The following TAFA1 variants were observed in gnomAD, a reference collection of about 807,000 sequenced individuals.
TAFA1 encodes chemokine-like protein TAFA-1.
Under a neutral mutation model 18.5 loss-of-function variants are expected in TAFA1, and 4 were observed. The ratio of observed to expected loss-of-function variants is 0.22; its 90% CI spans 0.11 to 0.49. The LOEUF (loss-of-function observed/expected upper bound fraction) is 0.49. Ranked by LOEUF, TAFA1 falls within the 20% of genes least tolerant of loss-of-function variation. TAFA1 has a pLI of 0.98. For missense variants in TAFA1, 147 were observed against 169.0 expected, an observed-to-expected ratio of 0.87 and a Z score of 0.72; for synonymous variants, 56 against 55.2, an observed-to-expected ratio of 1.01 and a Z score of -0.06.
Position 68,443,669 on chromosome 3 carries a change from A to G in TAFA1, c.259+26249A>G, listed in dbSNP as rs368477441. Among the ~76,000 whole-genome samples the G allele has an allele frequency of 2.8e-4, 43 of 152,148 alleles. 1 individual carries two copies. In the South Asian group the frequency reaches 8.5e-3, roughly 30 times the overall value. On this transcript the variant is annotated intron_variant, in intron 3 of 4. Transcript: ENST00000478136. ...CCTGAGGCTCATTCACTATCACAAGAACAGTGCAGGAAAGACCCGACCCCA... is the reference window on the plus strand; with the variant it reads ...CCTGAGGCTCATTCACTATCACAAGGACAGTGCAGGAAAGACCCGACCCCA...
chr3:68,047,321 A>G (rs187482823), intron 2 of TAFA1, among the ~76,000 whole-genome samples: 2 of 152,318 alleles, frequency 1.3e-5, no homozygotes, highest in East Asian at 1.9e-4. Flanking sequence ...TAATTCTGGA[A>G]CAACCTTCCA....
chr3:68,514,441 CT>C (rs2072892423), intron 3 of TAFA1, among the ~76,000 whole-genome samples: 1 of 152,054 alleles, frequency 6.6e-6, no homozygotes, highest in South Asian at 2.1e-4. Context: ...TAACCATTTA[CT>C]TCTCATTTTA....
intron 2 of TAFA1, among the ~76,000 whole-genome samples, chr3:68,224,355 G>C (rs2066770207): frequency 6.6e-6 from 1 of 152,126 alleles, no homozygotes; most frequent in Non-Finnish European, 1.5e-5. Flanking sequence ...ACACTGATCT[G>C]TCCACTCTGT....
intron 2 of TAFA1, among the ~76,000 whole-genome samples, chr3:68,397,327 A>G (rs2070400926): frequency 6.6e-6 from 1 of 152,054 alleles, no homozygotes; most frequent in African/African-American, 2.4e-5. Flanking sequence ...CTACCCGCCA[A>G]CAGGCCCCGG....
intron 3 of TAFA1, among the ~76,000 whole-genome samples, chr3:68,443,485 A>C (rs201082824): frequency 0.12 from 18,444 of 151,180 alleles, 1,621 homozygotes; most frequent in East Asian, 0.34. Flanking sequence ...AAAAAAAAAA[A>C]AAAAAAAAAA....
chr3:68,093,907 A>G (rs542777247), intron 2 of TAFA1, among the ~76,000 whole-genome samples: 1 of 152,066 alleles, frequency 6.6e-6, no homozygotes, highest in African/African-American at 2.4e-5. Flanking sequence ...AACCTCATAG[A>G]TCTAGTCACC....
chr3:68,151,620 G>T (rs941083414), intron 2 of TAFA1, among the ~76,000 whole-genome samples: 1 of 152,110 alleles, frequency 6.6e-6, no homozygotes, highest in African/African-American at 2.4e-5. Context: ...CCAAACTCAC[G>T]ATTTTCATCA....
intron 2 of TAFA1, among the ~76,000 whole-genome samples, chr3:68,036,525 T>C (rs1261467571): frequency 1.3e-5 from 2 of 151,934 alleles, no homozygotes; most frequent in South Asian, 2.1e-4. Flanking sequence ...CCTGGCATCA[T>C]TTATAAGTTG....
intron 2 of TAFA1, among the ~76,000 whole-genome samples, chr3:68,017,744 G>A (rs1200807093): frequency 1.3e-5 from 2 of 152,198 alleles, no homozygotes; most frequent in Admixed American, 1.3e-4. Context: ...TCTGAGAGTT[G>A]AAAAACTTAC....
At chr3:68,419,493 C>T (rs1405223695) in intron 3 of TAFA1, among the ~76,000 whole-genome samples, 1 of 152,118 alleles carries the variant, frequency 6.6e-6, no homozygotes, top group Non-Finnish European at 1.5e-5. Context: ...ATGTTACTGT[C>T]AAACAATGAG....
At chr3:68,544,063 A>G (rs954776875) in intron 4 of TAFA1, among the ~76,000 whole-genome samples, 2 of 152,060 alleles carry the variant, frequency 1.3e-5, no homozygotes, top group African/African-American at 4.8e-5. Context: ...ATTACATAAC[A>G]TGCAAGGCCA....
intron 3 of TAFA1, among the ~76,000 whole-genome samples, chr3:68,487,561 C>A (rs1392249701): frequency 5.3e-5 from 8 of 151,800 alleles, no homozygotes; most frequent in Non-Finnish European, 1.0e-4. Context: ...TCCTGGCTAA[C>A]ACGGTGAAAC....
At chr3:68,130,753 C>T (rs181501798) in intron 2 of TAFA1, among the ~76,000 whole-genome samples, 3 of 152,208 alleles carry the variant, frequency 2.0e-5, no homozygotes, top group Non-Finnish European at 2.9e-5. Context: ...GACCTTTGCA[C>T]CTCTGGATCC....
At chr3:68,490,842 T>TTC (rs2072438602) in intron 3 of TAFA1, among the ~76,000 whole-genome samples, 1 of 98,276 alleles carries the variant, frequency 1.0e-5, no homozygotes, top group Admixed American at 9.0e-5. Flanking sequence ...TTTTTTTTCT[T>TTC]TTTTTTTTGT....
At chr3:68,485,226 C>T (rs1415214430) in intron 3 of TAFA1, among the ~76,000 whole-genome samples, 1 of 152,198 alleles carries the variant, frequency 6.6e-6, no homozygotes, top group East Asian at 1.9e-4. Context: ...TTATCACACA[C>T]AAGGGTAAAT....
At chr3:67,992,567 AG>A in the TAFA1 span, among the ~76,000 whole-genome samples, 6 of 152,224 alleles carry the variant, frequency 3.9e-5, no homozygotes, top group African/African-American at 1.4e-4. Flanking sequence ...GCCCTCAGTC[AG>A]GAATAACCCA....
At chr3:68,474,771 C>T (rs1200546271) in intron 3 of TAFA1, among the ~76,000 whole-genome samples, 1 of 152,130 alleles carries the variant, frequency 6.6e-6, no homozygotes, top group Non-Finnish European at 1.5e-5. Context: ...ACAAAGTGAG[C>T]CACACAAATC....
intron 2 of TAFA1, among the ~76,000 whole-genome samples, chr3:68,292,327 T>C (rs1374582698): frequency 6.6e-6 from 1 of 151,424 alleles, no homozygotes; most frequent in Admixed American, 6.6e-5. Flanking sequence ...CGTACTCCCA[T>C]TGCTTGAGCC....
chr3:68,420,186 G>A (rs17830713), intron 3 of TAFA1, among the ~76,000 whole-genome samples: 63,994 of 152,056 alleles, frequency 0.42, 14,082 homozygotes, highest in Non-Finnish European at 0.46. Context: ...CCTTTGCCCA[G>A]CTAGTCACAG....
Sources: allele counts gnomAD v4.1 joint callset (sites outside exome capture counted in the v4.1 genomes callset), GRCh38; gene constraint gnomAD v4.1.1; transcripts MANE v1.5; gene names NCBI Gene and HGNC (gene_info 2026-07-23, HGNC 2026-07-21).